The following ACER2 variants were observed in gnomAD, a reference collection of about 807,000 sequenced individuals.
ACER2 encodes the protein alkaline ceramidase 2.
A neutral mutation model predicts 34.7 loss-of-function variants in ACER2; 26 were observed. That is an observed-to-expected ratio of 0.75 (90% CI 0.55 to 1.04). The LOEUF (loss-of-function observed/expected upper bound fraction) is 1.04. ACER2 is among the 50% of genes least tolerant of loss of function. The pLI is 0.00. For synonymous variants in ACER2, 138 were observed against 132.1 expected, an observed-to-expected ratio of 1.04 and a Z score of -0.31; for missense variants, 352 against 340.8, an observed-to-expected ratio of 1.03 and a Z score of -0.26.
intron 4 of ACER2, among the ~76,000 whole-genome samples, chr9:19,443,385 C>T (rs1050112379): frequency 2.0e-5 from 3 of 152,178 alleles, no homozygotes; most frequent in Non-Finnish European, 2.9e-5. Context: ...CCAGGATGGT[C>T]TTGATCTCCT....
At chr9:19,446,116 T>C in intron 4 of ACER2, 165 bp from the exon 5 acceptor site, 5 of 995,118 alleles carry the variant, frequency 5.0e-6, no homozygotes, top group Non-Finnish European at 8.0e-6. Context: ...GTACATATGG[T>C]ATTTACATCC....
rs557934540 is a variant in ACER2 at position 19,448,004 on chromosome 9, C to CTTTTTT, written c.641+1601_641+1606dup. Among the ~76,000 whole-genome samples the CTTTTTT allele has an allele frequency of 7.4e-3, 811 of 109,842 alleles. 13 individuals are homozygous for CTTTTTT. The highest frequency in any genetic ancestry group is 1.0e-2 in the Non-Finnish European group (564 of 56,484). 72.1% of individuals were successfully genotyped at this position (109,842 alleles called of 152,430 possible). ...AGCATCATTCTATACACGATGCAAA[C>CTTTTTT]TTTTTTTTTTTTTTTTTTTTGAGAC... On this transcript the variant is annotated intron_variant, in intron 5 of 5. Transcript: ENST00000340967.
At chr9:19,424,065 A>G (rs1001113526) in intron 2 of ACER2, 89 bp downstream of exon 2, 22 of 1,184,718 alleles carry the variant, frequency 1.9e-5, no homozygotes, top group African/African-American at 3.0e-5. Flanking sequence ...CCCTTTGAAC[A>G]TAATGTTTTG....
chr9:19,450,124 C>T (rs1365633030), intron 5 of ACER2: 2 of 874,804 alleles, frequency 2.3e-6, no homozygotes, highest in Non-Finnish European at 2.7e-6. Context: ...TGCTCAGTTA[C>T]TTCCATCTTA....
rs1424643309 is a variant in ACER2 at position 19,446,398 on chromosome 9, C to T, written c.621C>T (p.Phe207=). ...AFCELLSSFN[F]PYLHCMWHIL... ...GCGAGCTGCTGTCATCCTTCAACTT[C>T]CCCTACCTGCACTGCATGTGGTAAG... The change falls in exon 5 of 6, where the codon TTC becomes TTT. Residue 207 remains phenylalanine, a synonymous_variant. Coordinates refer to ENST00000340967, the MANE Select transcript of ACER2 (RefSeq NM_001010887.3). 11 of 1,614,066 alleles carry T rather than the reference C, an allele frequency of 6.8e-6. No homozygotes were observed. Among genetic ancestry groups the T allele is most frequent in the Non-Finnish European group, 7.6e-6 (9 of 1,180,046 alleles).
At chr9:19,423,434 C>T (rs1449782359) in intron 1 of ACER2, among the ~76,000 whole-genome samples, 8 of 152,134 alleles carry the variant, frequency 5.3e-5, no homozygotes, top group Admixed American at 2.0e-4. Context: ...GGTGTGGTGG[C>T]TTATGCCTGC....
At chr9:19,419,505 C>T (rs1168307357) in intron 1 of ACER2, among the ~76,000 whole-genome samples, 2 of 152,160 alleles carry the variant, frequency 1.3e-5, no homozygotes, top group African/African-American at 2.4e-5. Context: ...GGAGCTCACA[C>T]CTGTAATCCT....
chr9:19,410,665 G>A (rs984335677), intron 1 of ACER2, among the ~76,000 whole-genome samples: 11 of 152,136 alleles, frequency 7.2e-5, no homozygotes, highest in Non-Finnish European at 2.9e-5. Context: ...AACTGAGATC[G>A]CGCCACTCCA....
chr9:19,437,243 C>G (rs748378874), intron 4 of ACER2, among the ~76,000 whole-genome samples: 2 of 152,224 alleles, frequency 1.3e-5, no homozygotes, highest in Admixed American at 6.5e-5. Context: ...ACTGTCTTGG[C>G]TGCATGCCCT....
intron 4 of ACER2, among the ~76,000 whole-genome samples, chr9:19,436,823 G>A (rs556819612): frequency 1.3e-5 from 2 of 152,172 alleles, no homozygotes; most frequent in East Asian, 3.9e-4. Flanking sequence ...GTATCTTTGT[G>A]CACTTATTAC....
intron 1 of ACER2, among the ~76,000 whole-genome samples, chr9:19,423,135 G>A (rs899758271): frequency 6.6e-6 from 1 of 151,804 alleles, no homozygotes; most frequent in Non-Finnish European, 1.5e-5. Flanking sequence ...AGTCCAGCCT[G>A]GAAAACATAG....
At chr9:19,416,451 C>G (rs922646814) in intron 1 of ACER2, among the ~76,000 whole-genome samples, 1 of 152,142 alleles carries the variant, frequency 6.6e-6, no homozygotes, top group Non-Finnish European at 1.5e-5. Context: ...CTGACTTGAG[C>G]CAGCCCTGGA....
At chr9:19,440,783 T>TGA (rs1563889146) in intron 4 of ACER2, among the ~76,000 whole-genome samples, 1 of 152,154 alleles carries the variant, frequency 6.6e-6, no homozygotes, top group East Asian at 1.9e-4. Flanking sequence ...TAAACTTACG[T>TGA]CTCCAACCCA....
intron 3 of ACER2, 42 bp from the exon 4 acceptor site, chr9:19,434,905 A>G (rs776840585): frequency 1.9e-6 from 3 of 1,609,204 alleles, no homozygotes; most frequent in Non-Finnish European, 2.5e-6. Context: ...ACAAACAAGA[A>G]CTCCTTTTCT....
intron 4 of ACER2, among the ~76,000 whole-genome samples, chr9:19,436,232 A>G (rs898525058): frequency 1.3e-5 from 2 of 152,124 alleles, no homozygotes; most frequent in Non-Finnish European, 2.9e-5. Context: ...TTCCTTCTTG[A>G]ATCCCTTGCA....
intron 5 of ACER2, 196 bp downstream of exon 5, chr9:19,446,614 G>T: frequency 1.0e-6 from 1 of 985,424 alleles, no homozygotes. Context: ...CAGGGAGCAG[G>T]CTTAGCCGGA....
Position 19,434,920 on chromosome 9 carries a change from G to A in ACER2, c.366-27G>A, listed in dbSNP as rs752820336. 11 of 1,612,160 alleles carry A rather than the reference G, an allele frequency of 6.8e-6. No individual in the cohort carries two copies. The South Asian group carries it at 9.9e-5, about 15-fold the overall frequency. ...ACAAACAAGAACTCCTTTTCTAATGGATTTGGTTTTGCTTTCATGGATTCA... is the reference window on the plus strand; with the variant it reads ...ACAAACAAGAACTCCTTTTCTAATGAATTTGGTTTTGCTTTCATGGATTCA... On this transcript the variant is annotated intron_variant, in intron 3 of 5. Transcript: ENST00000340967.
intron 4 of ACER2, among the ~76,000 whole-genome samples, chr9:19,436,964 T>A (rs10118605): frequency 1.1e-4 from 17 of 151,972 alleles, no homozygotes; most frequent in Admixed American, 1.1e-3. Context: ...TTTCTTCTTT[T>A]GGCTTCTCTG....
At chr9:19,417,710 A>G (rs1830278460) in intron 1 of ACER2, among the ~76,000 whole-genome samples, 1 of 152,264 alleles carries the variant, frequency 6.6e-6, no homozygotes, top group Admixed American at 6.5e-5. Flanking sequence ...AATTAACTCA[A>G]GATGAATTAA....
Sources: allele counts gnomAD v4.1 joint callset (sites outside exome capture counted in the v4.1 genomes callset), GRCh38; gene constraint gnomAD v4.1.1; transcripts MANE v1.5; gene names NCBI Gene and HGNC (gene_info 2026-07-23, HGNC 2026-07-21).